Variants in TAF6L observed in about 807,000 individuals in gnomAD.
TAF6L encodes TATA-box binding protein associated factor 6 like, also known as TAF6-like RNA polymerase II p300/CBP-associated factor-associated factor 65 kDa subunit 6L.
Under a neutral mutation model 57.3 loss-of-function variants are expected in TAF6L, and 34 were observed. That is an observed-to-expected ratio of 0.59 (90% CI 0.45 to 0.79). The LOEUF (loss-of-function observed/expected upper bound fraction) is 0.79, where lower values mean the gene tolerates loss of function less well. Ranked by LOEUF, TAF6L falls within the 30% of genes least tolerant of loss-of-function variation. TAF6L has a pLI of 0.00. For missense variants in TAF6L, 782 were observed against 853.2 expected (o/e 0.92, Z 1.04); for synonymous variants, 417 against 376.3 (o/e 1.11, Z -1.25).
intron 8 of TAF6L, 127 bp from the exon 9 acceptor site, chr11:62,782,566 G>A (rs1307511000): frequency 1.4e-6 from 2 of 1,393,366 alleles, no homozygotes; most frequent in Non-Finnish European, 2.0e-6. Context: ...ACCCCTGGCA[G>A]CCTTCTTCAC....
chr11:62,776,693 A>G (rs967708000), intron 3 of TAF6L, among the ~76,000 whole-genome samples: 2 of 152,104 alleles, frequency 1.3e-5, no homozygotes, highest in Non-Finnish European at 2.9e-5. Flanking sequence ...TTTACTAAAA[A>G]TACAGAAATT....
In TAF6L at chr11:62,783,070, AC is replaced by A. The variant is rs2084242141; in HGVS notation, c.960+246del. ...AAATTCCTGCCCGTTCTATATTATC[AC>A]ATTAAGAAATACCTTCAATTCCTGT... On this transcript the variant is annotated intron_variant, in intron 9 of 10. Transcript: ENST00000294168. 3.9e-5 allele frequency among the ~76,000 whole-genome samples: 6 copies of A among 152,220 alleles called. No homozygotes were observed. In the South Asian group the frequency reaches 1.2e-3, roughly 31 times the overall value.
At chr11:62,786,441 G>A (rs2084276468) in intron 10 of TAF6L, 53 bp downstream of exon 10, 2 of 1,599,218 alleles carry the variant, frequency 1.3e-6, no homozygotes, top group Admixed American at 3.4e-5. Flanking sequence ...TAGCAGCCAA[G>A]CAGGCTTACT....
chr11:62,782,571 C>T (rs368983661), intron 8 of TAF6L, 122 bp from the exon 9 acceptor site: 1 of 1,436,948 alleles, frequency 7.0e-7, no homozygotes, highest in Non-Finnish European at 9.5e-7. Flanking sequence ...TGGCAGCCTT[C>T]TTCACTTAAC....
In TAF6L at chr11:62,782,908, A is replaced by T. The variant is rs549227730; in HGVS notation, c.960+83A>T. 2.1e-4 allele frequency: 321 copies of T among 1,560,972 alleles called. 1 individual carries two copies. Among genetic ancestry groups the T allele is most frequent in the Admixed American group, 3.3e-4 (19 of 57,018 alleles). On this transcript the variant is annotated intron_variant, in intron 9 of 10. Transcript: ENST00000294168. ...TAGTACTTGTGCATCGTTATCTCCA[A>T]AATAGTGTGTGCCTGCCACTGCCAT...
intron 9 of TAF6L, among the ~76,000 whole-genome samples, chr11:62,784,612 CTTAATT>C (rs1173670772): frequency 5.9e-5 from 9 of 152,072 alleles, no homozygotes; most frequent in Non-Finnish European, 1.3e-4. Flanking sequence ...GGCCTATATT[CTTAATT>C]TTATCATCAA....
At chr11:62,778,473 C>A in intron 5 of TAF6L, 138 bp downstream of exon 5, 1 of 1,033,972 alleles carries the variant, frequency 9.7e-7, no homozygotes, top group Non-Finnish European at 1.5e-6. Context: ...TGAGTGGGCG[C>A]TGGGCTCTGC....
intron 1 of TAF6L, chr11:62,772,009 G>T (rs1037919730): frequency 9.1e-6 from 4 of 441,842 alleles, no homozygotes; most frequent in Non-Finnish European, 1.4e-5. Context: ...CCTGAATGCG[G>T]TATAGAGTAA....
At chr11:62,782,640 G>A in intron 8 of TAF6L, 53 bp from the exon 9 acceptor site, 1 of 1,599,610 alleles carries the variant, frequency 6.3e-7, no homozygotes, top group Non-Finnish European at 8.5e-7. Flanking sequence ...CTTGTGCCCT[G>A]TTGGGTGGCA....
At chr11:62,774,413 T>C (rs1007927833) in intron 1 of TAF6L, among the ~76,000 whole-genome samples, 3 of 152,010 alleles carry the variant, frequency 2.0e-5, no homozygotes, top group African/African-American at 7.2e-5. Flanking sequence ...TGGGGAGCCA[T>C]TGGGAGGAGT....
At chr11:62,775,736 G>A in intron 1 of TAF6L, 35 bp from the exon 2 acceptor site, 1 of 1,571,060 alleles carries the variant, frequency 6.4e-7, no homozygotes, top group Non-Finnish European at 8.6e-7. Context: ...CCGGGAGGCT[G>A]GGCAGCTTTT....
At chr11:62,772,108 A>C (rs2084152911) in intron 1 of TAF6L, 9 of 456,254 alleles carry the variant, frequency 2.0e-5, no homozygotes, top group South Asian at 3.1e-5. Context: ...TGGAACATTT[A>C]GCCTCTGAGG....
chr11:62,783,495 A>C (rs1254734076), intron 9 of TAF6L, among the ~76,000 whole-genome samples: 1 of 151,070 alleles, frequency 6.6e-6, no homozygotes, highest in Non-Finnish European at 1.5e-5. Flanking sequence ...AAAAAAAAAA[A>C]GTTAGGTGTT....
Position 62,782,097 on chromosome 11 carries a change from C to T in TAF6L, c.607-16C>T. 6.3e-7 allele frequency: 1 copy of T among 1,595,634 alleles called. No homozygotes were observed. The highest frequency in any genetic ancestry group is 1.1e-5 in the South Asian group (1 of 87,850). On this transcript the variant is annotated splice_polypyrimidine_tract_variant and intron_variant, in intron 7 of 10. Transcript: ENST00000294168. ...GTCCCCTCATGTCCCTGTAAGCTAC[C>T]CTCTTCTCCCAACAGGTGAAATCTG... is the stretch of plus-strand genomic sequence containing the variant.
At chr11:62,774,891 C>CAAAAAA (rs775768945) in intron 1 of TAF6L, among the ~76,000 whole-genome samples, 1 of 84,628 alleles carries the variant, frequency 1.2e-5, no homozygotes, top group Admixed American at 1.2e-4. Context: ...AACTCCGTCT[C>CAAAAAA]AAAAAAAAAA....
Position 62,782,307 on chromosome 11 carries a change from T to C in TAF6L, c.801T>C (p.Ala267=). ...LNDHWTLRDG[A]ALLLSHIFWT... is the part of the protein sequence containing the mutation. ...ACCACTGGACTCTGCGGGATGGGGC[T>C]GCCCTCCTGCTCAGCCACATCTTCT... is the stretch of plus-strand genomic sequence containing the variant. Residue 267 remains alanine (A), a synonymous_variant, in exon 8 of 11, where the codon GCT becomes GCC. Coordinates refer to ENST00000294168, the MANE Select transcript of TAF6L (RefSeq NM_006473.4). 1 of 1,613,976 alleles carries C rather than the reference T, an allele frequency of 6.2e-7. No individual in the cohort carries two copies. The highest frequency in any genetic ancestry group is 8.5e-7 in the Non-Finnish European group (1 of 1,180,010).
chr11:62,775,977 C>T, intron 2 of TAF6L, 47 bp downstream of exon 2: 1 of 1,563,214 alleles, frequency 6.4e-7, no homozygotes, highest in Non-Finnish European at 8.7e-7. Context: ...CTTGTTTCTG[C>T]CTTTTTACTA....
intron 8 of TAF6L, 119 bp from the exon 9 acceptor site, chr11:62,782,574 C>G: frequency 6.9e-7 from 1 of 1,450,848 alleles, no homozygotes; most frequent in South Asian, 1.3e-5. Flanking sequence ...CAGCCTTCTT[C>G]ACTTAACCCC....
chr11:62,775,579 T>C, intron 1 of TAF6L, 192 bp from the exon 2 acceptor site: 1 of 573,272 alleles, frequency 1.7e-6, no homozygotes, highest in East Asian at 3.0e-5. Context: ...TTTGTCTAGC[T>C]TCACCGTTCT....
Sources: allele counts gnomAD v4.1 joint callset (sites outside exome capture counted in the v4.1 genomes callset), GRCh38; gene constraint gnomAD v4.1.1; transcripts MANE v1.5; gene names NCBI Gene and HGNC (gene_info 2026-07-23, HGNC 2026-07-21).